Variants in NCKAP5 observed in about 807,000 individuals in gnomAD.
NCKAP5 encodes the protein nck-associated protein 5.
A neutral mutation model predicts 167.0 loss-of-function variants in NCKAP5; 92 were observed. The ratio of observed to expected loss-of-function variants is 0.55; its 90% CI spans 0.47 to 0.66. NCKAP5 has a LOEUF of 0.66. NCKAP5 is among the 30% of genes least tolerant of loss of function. NCKAP5 has a pLI of 0.00. For synonymous variants in NCKAP5, 891 were observed against 877.4 expected (o/e 1.02, Z -0.27); for missense variants, 2,378 against 2,315.0 (o/e 1.03, Z -0.56).
chr2:133,133,711 A>G (rs370036304), intron 5 of NCKAP5, among the ~76,000 whole-genome samples: 2 of 152,178 alleles, frequency 1.3e-5, no homozygotes, highest in African/African-American at 2.4e-5. Context: ...AATATCTTCA[A>G]TCTGGAGAAT....
chr2:133,066,209 G>C (rs556220482), intron 6 of NCKAP5, among the ~76,000 whole-genome samples: 8 of 152,254 alleles, frequency 5.3e-5, no homozygotes, highest in South Asian at 2.1e-4. Context: ...CAAATTAAAG[G>C]CTTAATTACC....
chr2:133,531,088 A>G (rs921200062), intron 2 of NCKAP5, among the ~76,000 whole-genome samples: 8 of 152,012 alleles, frequency 5.3e-5, no homozygotes, highest in African/African-American at 1.7e-4. Context: ...AATTTGGGTC[A>G]CTGTGTTGTT....
intron 3 of NCKAP5, among the ~76,000 whole-genome samples, chr2:133,359,207 T>C: frequency 6.6e-6 from 1 of 152,224 alleles, no homozygotes; most frequent in Non-Finnish European, 1.5e-5. Flanking sequence ...AGTTTCCAGA[T>C]AATGCAGTGA....
chr2:133,363,779 A>T (rs1220226307), intron 3 of NCKAP5, among the ~76,000 whole-genome samples: 1 of 152,156 alleles, frequency 6.6e-6, no homozygotes, highest in African/African-American at 2.4e-5. Flanking sequence ...GGGTGGATGG[A>T]TGAATGAATG....
intron 6 of NCKAP5, among the ~76,000 whole-genome samples, chr2:132,999,767 CT>C (rs2077720564): frequency 6.6e-6 from 1 of 152,162 alleles, no homozygotes; most frequent in Non-Finnish European, 1.5e-5. Context: ...AAATCTAGCC[CT>C]CTGTTTTGAT....
chr2:133,203,795 A>G (rs1358247505), intron 5 of NCKAP5, among the ~76,000 whole-genome samples: 3 of 152,206 alleles, frequency 2.0e-5, no homozygotes. Context: ...AAAGAATACT[A>G]GGAAAATCTA....
At chr2:133,460,248 C>T (rs1414675090) in intron 3 of NCKAP5, among the ~76,000 whole-genome samples, 1 of 152,128 alleles carries the variant, frequency 6.6e-6, no homozygotes, top group Non-Finnish European at 1.5e-5. Context: ...AAATTGCTCA[C>T]TTACTGAGCT....
chr2:133,638,969 C>A, the NCKAP5 span, among the ~76,000 whole-genome samples: 1 of 151,238 alleles, frequency 6.6e-6, no homozygotes, highest in African/African-American at 2.4e-5. Context: ...AAGAGGTCTG[C>A]AAATTAGAAT....
intron 3 of NCKAP5, among the ~76,000 whole-genome samples, chr2:133,462,271 C>T (rs1692247683): frequency 6.6e-6 from 1 of 152,068 alleles, no homozygotes; most frequent in African/African-American, 2.4e-5. Context: ...CTTTACCTGC[C>T]GGTCACATCA....
At chr2:133,218,395 AC>A (rs2150192179) in intron 4 of NCKAP5, among the ~76,000 whole-genome samples, 1 of 152,278 alleles carries the variant, frequency 6.6e-6, no homozygotes, top group South Asian at 2.1e-4. Context: ...ATCTGTTATG[AC>A]AGAACATGTC....
intron 11 of NCKAP5, among the ~76,000 whole-genome samples, chr2:132,855,148 C>A (rs527278885): frequency 5.9e-4 from 90 of 152,158 alleles, no homozygotes; most frequent in Non-Finnish European, 1.2e-3. Context: ...TCTGCAGGAA[C>A]TGTGTGATTT....
At chr2:133,049,587 T>G (rs1474402954) in intron 6 of NCKAP5, among the ~76,000 whole-genome samples, 2 of 149,694 alleles carry the variant, frequency 1.3e-5, no homozygotes, top group East Asian at 3.9e-4. Flanking sequence ...CACAGGCAAG[T>G]TTTTCACAGT....
At chr2:132,836,068 G>C (rs1280835902) in intron 11 of NCKAP5, among the ~76,000 whole-genome samples, 1 of 152,198 alleles carries the variant, frequency 6.6e-6, no homozygotes, top group Non-Finnish European at 1.5e-5. Flanking sequence ...TAGCAAGTGA[G>C]TAGCAGAACC....
chr2:133,030,815 G>A (rs2078855289), intron 6 of NCKAP5, among the ~76,000 whole-genome samples: 1 of 152,078 alleles, frequency 6.6e-6, no homozygotes, highest in South Asian at 2.1e-4. Context: ...CAAAATCAAG[G>A]TGTCAGTAGG....
At chr2:132,713,231 C>T (rs145510553) in intron 19 of NCKAP5, among the ~76,000 whole-genome samples, 23 of 152,100 alleles carry the variant, frequency 1.5e-4, no homozygotes, top group African/African-American at 5.1e-4. Flanking sequence ...ATGTTCAAAA[C>T]GACAAAGTCA....
At chr2:133,160,428 CCTTT>C (rs1553558987) in intron 5 of NCKAP5, among the ~76,000 whole-genome samples, 1 of 91,160 alleles carries the variant, frequency 1.1e-5, no homozygotes, top group Non-Finnish European at 2.3e-5. Flanking sequence ...TTTTTCTTTT[CCTTT>C]CTTTTTCTTT....
intron 15 of NCKAP5, among the ~76,000 whole-genome samples, chr2:132,779,204 A>C (rs1017516118): frequency 2.6e-5 from 4 of 152,246 alleles, no homozygotes; most frequent in African/African-American, 4.8e-5. Context: ...CAGATGAGAG[A>C]GGAAAAGCAT....
chr2:132,725,173 G>T (rs1374531031), intron 19 of NCKAP5, among the ~76,000 whole-genome samples: 1 of 152,190 alleles, frequency 6.6e-6, no homozygotes, highest in South Asian at 2.1e-4. Flanking sequence ...CAAAGACAAA[G>T]ATGGTGAGGG....
At chr2:133,297,210 T>TGTGTG (rs1553610638) in intron 4 of NCKAP5, among the ~76,000 whole-genome samples, 8 of 147,094 alleles carry the variant, frequency 5.4e-5, no homozygotes, top group Non-Finnish European at 7.5e-5. Flanking sequence ...TGTGTGTGTG[T>TGTGTG]TTTAAATCAA....
Sources: gnomAD v4.1 joint callset for allele counts (sites outside exome capture counted in the v4.1 genomes callset) on GRCh38, gnomAD v4.1.1 for gene constraint, MANE v1.5 for transcripts, NCBI Gene and HGNC (gene_info 2026-07-23, HGNC 2026-07-21) for gene names.